Variants in YLPM1 observed in about 807,000 individuals in gnomAD.
The protein encoded by YLPM1 is YLP motif containing 1, also known as YLP motif-containing protein 1.
In YLPM1, 99 loss-of-function variants were observed where a neutral mutation model predicts 230.0. The observed-to-expected ratio is 0.43, with a 90% confidence interval of 0.37 to 0.51. The LOEUF is 0.51. YLPM1 is among the 20% of genes least tolerant of loss of function. The pLI is 0.00. For synonymous variants in YLPM1, 984 were observed against 942.5 expected (o/e 1.04, Z -0.81); for missense variants, 2,592 against 2,707.7 (o/e 0.96, Z 0.95).
intron 16 of YLPM1, among the ~76,000 whole-genome samples, chr14:74,820,352 G>A (rs1440309205): frequency 6.6e-6 from 1 of 152,140 alleles, no homozygotes; most frequent in Non-Finnish European, 1.5e-5. Context: ...GGGTTCAAAT[G>A]ATCCTCTCAC....
chr14:74,799,534 C>T lies in YLPM1; in HGVS notation c.4237C>T (p.His1413Tyr), dbSNP rs1341483898. 2 of 1,613,944 alleles carry T rather than the reference C, an allele frequency of 1.2e-6. No individual in the cohort carries two copies. Among genetic ancestry groups the T allele is most frequent in the African/African-American group, 2.7e-5 (2 of 75,026 alleles). ...DRWYPSDVDRHSPMAEHMPSS... is the reference protein window; with the variant it reads ...DRWYPSDVDRYSPMAEHMPSS... ...ATGGTACCCATCTGATGTGGATAGA[C>T]ATTCCCCCATGGCGGAACATATGCC... The change falls in exon 5 of 21, where the codon CAT (histidine) becomes TAT (tyrosine). Residue 1413 changes from histidine (H) to tyrosine (Y), a missense_variant. His to Tyr is a moderately conservative substitution (Grantham distance 83). This residue lies in a region of YLPM1 where 1,862 missense variants were observed against 1,819.8 expected (regional missense o/e 1.02). Coordinates refer to ENST00000325680, the MANE Select transcript of YLPM1 (RefSeq NM_019589.3).
At chr14:74,796,213 C>T (rs921286305) in intron 4 of YLPM1, among the ~76,000 whole-genome samples, 2 of 152,182 alleles carry the variant, frequency 1.3e-5, no homozygotes, top group East Asian at 1.9e-4. Context: ...GGAGAGTGAT[C>T]CTCGCTTACT....
At chr14:74,827,604 C>G in intron 18 of YLPM1, 22 of 985,380 alleles carry the variant, frequency 2.2e-5, no homozygotes, top group Non-Finnish European at 2.7e-5. Flanking sequence ...TGGCTGTGCT[C>G]TGTTGTTGGA....
intron 4 of YLPM1, among the ~76,000 whole-genome samples, chr14:74,793,202 C>G (rs1306242141): frequency 6.6e-6 from 1 of 152,162 alleles, no homozygotes; most frequent in African/African-American, 2.4e-5. Context: ...TGGCCCCTTT[C>G]TGTCTAGAGA....
chr14:74,780,296 G>T, intron 2 of YLPM1, 109 bp from the exon 3 acceptor site: 1 of 1,355,228 alleles, frequency 7.4e-7, no homozygotes, highest in South Asian at 1.5e-5. Flanking sequence ...GTGTTTGACA[G>T]TTGGATATTT....
intron 1 of YLPM1, 142 bp downstream of exon 1, chr14:74,764,504 G>A: frequency 1.7e-6 from 2 of 1,166,944 alleles, no homozygotes; most frequent in East Asian, 5.2e-5. Context: ...GAGTCAGAGG[G>A]CTGACAGCTC....
At chr14:74,768,267 TGA>T (rs1328535965) in intron 1 of YLPM1, among the ~76,000 whole-genome samples, 1 of 152,044 alleles carries the variant, frequency 6.6e-6, no homozygotes, top group Non-Finnish European at 1.5e-5. Flanking sequence ...TGTTTGTTTC[TGA>T]GAGAGAGTCT....
Position 74,820,069 on chromosome 14 carries a change from T to A in YLPM1, c.6031-988T>A, listed in dbSNP as rs189144277. ...GGGAGTATAGGTGATTTTTATAATCTTCTTTTTACTATTATTTTCCAAATT... is the reference window on the plus strand; with the variant it reads ...GGGAGTATAGGTGATTTTTATAATCATCTTTTTACTATTATTTTCCAAATT... On this transcript the variant is annotated intron_variant, in intron 16 of 20. Transcript: ENST00000325680. Among the ~76,000 whole-genome samples the A allele has an allele frequency of 3.4e-4, 52 of 152,356 alleles. 1 individual carries two copies. The East Asian group carries it at 4.0e-3, about 12-fold the overall frequency.
chr14:74,810,445 A>G, intron 9 of YLPM1, 25 bp downstream of exon 9: 1 of 1,608,630 alleles, frequency 6.2e-7, no homozygotes, highest in Non-Finnish European at 8.5e-7. Context: ...AATCTTTGCT[A>G]GGTGTACAAA....
chr14:74,795,574 C>T (rs974015027), intron 4 of YLPM1, among the ~76,000 whole-genome samples: 1 of 152,202 alleles, frequency 6.6e-6, no homozygotes, highest in Admixed American at 6.5e-5. Context: ...ATCAATTCTA[C>T]CTTATTTTAC....
intron 4 of YLPM1, among the ~76,000 whole-genome samples, chr14:74,794,145 A>G (rs548482897): frequency 1.3e-5 from 2 of 151,510 alleles, no homozygotes; most frequent in African/African-American, 4.8e-5. Context: ...TAAAAGGTCA[A>G]CTTGGCTGAG....
chr14:74,793,696 G>A (rs1044613846), intron 4 of YLPM1, among the ~76,000 whole-genome samples: 1 of 152,158 alleles, frequency 6.6e-6, no homozygotes, highest in Admixed American at 6.5e-5. Context: ...CTGATTGGGA[G>A]CTCTGTGTAT....
At chr14:74,799,769 A>G in intron 5 of YLPM1, 72 bp downstream of exon 5, 1 of 1,457,246 alleles carries the variant, frequency 6.9e-7, no homozygotes, top group Non-Finnish European at 9.0e-7. Context: ...AAGTGATATG[A>G]TATATTTGAA....
intron 4 of YLPM1, among the ~76,000 whole-genome samples, chr14:74,786,953 A>G (rs2091156444): frequency 1.3e-5 from 2 of 152,188 alleles, no homozygotes; most frequent in African/African-American, 2.4e-5. Flanking sequence ...TTGCATCCTT[A>G]TCAACACTTG....
Position 74,810,521 on chromosome 14 carries a change from G to A in YLPM1, c.5228+101G>A, listed in dbSNP as rs2091424285. ...TAAGTAACATATTCTTCTCATGCAT[G>A]TGTATATGTAATTTGGAGGGGGAAG... On this transcript the variant is annotated intron_variant, in intron 9 of 20. Coordinates refer to ENST00000325680, the MANE Select transcript of YLPM1 (RefSeq NM_019589.3). 4 of 1,237,216 alleles carry A rather than the reference G, an allele frequency of 3.2e-6. No homozygotes were observed. The East Asian group carries it at 7.2e-5, about 22-fold the overall frequency. 76.6% of individuals were successfully genotyped at this position (1,237,216 alleles called of 1,614,324 possible).
Position 74,778,665 on chromosome 14 carries a change from C to T in YLPM1, c.1092C>T (p.Leu364=), listed in dbSNP as rs57404741. The T allele has an allele frequency of 0.15, 238,216 of 1,570,878 alleles. 19,639 individuals carry two copies. The highest frequency in any genetic ancestry group is 0.29 in the South Asian group (24,474 of 85,128). The change falls in exon 2 of 21, where the codon CTC becomes CTT. Residue 364 remains leucine, a synonymous_variant. Transcript: ENST00000325680. The part of the protein sequence containing the change: ...PPPNEEVPPP[L]PPEEPQSEDP... ...CAAATGAGGAAGTGCCACCTCCTCT[C>T]CCACCTGAGGAACCCCAGGTAACCA...
chr14:74,789,038 C>T (rs1457413258), intron 4 of YLPM1, among the ~76,000 whole-genome samples: 2 of 152,188 alleles, frequency 1.3e-5, no homozygotes, highest in East Asian at 3.9e-4. Context: ...GTCATCCCTA[C>T]TACTTTGCAG....
chr14:74,780,663 TA>T, intron 3 of YLPM1, 79 bp downstream of exon 3: 1 of 1,495,360 alleles, frequency 6.7e-7, no homozygotes, highest in Non-Finnish European at 8.9e-7. Context: ...GATTTAAGTG[TA>T]AAAAACAAAA....
Position 74,827,443 on chromosome 14 carries a change from A to T in YLPM1, c.6164-1770A>T, listed in dbSNP as rs1268409301. 3 of 985,296 alleles carry T rather than the reference A, an allele frequency of 3.0e-6. No homozygotes were observed. The Admixed American group carries it at 1.8e-4, about 61-fold the overall frequency. 61.0% of individuals were successfully genotyped at this position (985,296 alleles called of 1,614,324 possible). A position where few individuals can be genotyped will look rare whatever the true frequency, so the allele number is the denominator to read the frequency against. On this transcript the variant is annotated intron_variant, in intron 18 of 20. Coordinates refer to ENST00000325680, the MANE Select transcript of YLPM1 (RefSeq NM_019589.3). ...AACTTTAAACATATTTGCACAATAA[A>T]ATTTCAAATTAAACATTTCAAAAAG...
Sources: allele counts gnomAD v4.1 joint callset (sites outside exome capture counted in the v4.1 genomes callset), GRCh38; gene constraint gnomAD v4.1.1; regional missense constraint gnomAD v4.1.1; transcripts MANE v1.5; gene names NCBI Gene and HGNC (gene_info 2026-07-23, HGNC 2026-07-21).